The following KCNH8 variants were observed in gnomAD, a reference collection of about 807,000 sequenced individuals.
The protein encoded by KCNH8 is voltage-gated delayed rectifier potassium channel KCNH8.
Under a neutral mutation model 103.6 loss-of-function variants are expected in KCNH8, and 70 were observed. That is an observed-to-expected ratio of 0.68 (90% CI 0.56 to 0.82). The LOEUF (loss-of-function observed/expected upper bound fraction) is 0.82. Among genes scored for constraint, KCNH8 ranks in the 40% least tolerant of loss-of-function variants. The pLI is 0.00. For synonymous variants in KCNH8, 498 were observed against 489.4 expected (o/e 1.02, Z -0.23); for missense variants, 1,217 against 1,329.9 (o/e 0.92, Z 1.32).
chr3:19,448,970 G>C (rs1210862146), intron 8 of KCNH8: 1 of 1,285,966 alleles, frequency 7.8e-7, no homozygotes, highest in Admixed American at 2.3e-5. Flanking sequence ...TGGATTATCT[G>C]CTGGTTTAGA....
chr3:19,287,993 A>T (rs1179918660), intron 3 of KCNH8, among the ~76,000 whole-genome samples: 1 of 151,980 alleles, frequency 6.6e-6, no homozygotes, highest in Non-Finnish European at 1.5e-5. Flanking sequence ...CTCCTTACCC[A>T]GGAGAATTTT....
intron 5 of KCNH8, among the ~76,000 whole-genome samples, chr3:19,357,447 G>A (rs1284145856): frequency 6.6e-6 from 1 of 151,426 alleles, no homozygotes; most frequent in Non-Finnish European, 1.5e-5. Flanking sequence ...TGTTAACTGA[G>A]TATTTTGTTA....
intron 2 of KCNH8, among the ~76,000 whole-genome samples, chr3:19,268,938 A>G (rs534079506): frequency 6.6e-6 from 1 of 152,214 alleles, no homozygotes; most frequent in East Asian, 1.9e-4. Flanking sequence ...TACTTTGGGA[A>G]ATGAGAAAGA....
intron 5 of KCNH8, among the ~76,000 whole-genome samples, chr3:19,355,356 C>A (rs903736783): frequency 6.6e-6 from 1 of 152,172 alleles, no homozygotes; most frequent in African/African-American, 2.4e-5. Context: ...CTAGAAATAC[C>A]ATTTGACCCA....
chr3:19,421,896 T>C (rs2066956867), intron 7 of KCNH8, among the ~76,000 whole-genome samples: 1 of 152,114 alleles, frequency 6.6e-6, no homozygotes, highest in Non-Finnish European at 1.5e-5. Flanking sequence ...TTTGTTTTGT[T>C]TGGAGGACTA....
At chr3:19,279,584 A>G (rs918448646) in intron 2 of KCNH8, among the ~76,000 whole-genome samples, 2 of 144,010 alleles carry the variant, frequency 1.4e-5, no homozygotes, top group African/African-American at 2.6e-5. Context: ...AAAAAAAAAA[A>G]TAAGGAGGAA....
rs187013226 is a variant in KCNH8, at chr3:19,453,836, A to G, written c.1825+2432A>G. ...GTTTATAAGCTACCCAGTTTACAGT[A>G]TGGCAACCTGAATAGACTAAGACAG... On this transcript the variant is annotated intron_variant, in intron 10 of 15. Coordinates refer to ENST00000328405, the MANE Select transcript of KCNH8 (RefSeq NM_144633.3). Among the ~76,000 whole-genome samples the G allele has an allele frequency of 2.5e-3, 377 of 152,278 alleles. 1 individual carries two copies. The highest frequency in any genetic ancestry group is 8.6e-3 in the African/African-American group (358 of 41,574).
chr3:19,355,098 A>G (rs1264735829), intron 5 of KCNH8, among the ~76,000 whole-genome samples: 1 of 152,220 alleles, frequency 6.6e-6, no homozygotes, highest in Admixed American at 6.5e-5. Context: ...TTCTCAAAAG[A>G]AGACATTTAT....
intron 3 of KCNH8, among the ~76,000 whole-genome samples, chr3:19,301,098 G>A (rs1207864596): frequency 6.6e-6 from 1 of 151,354 alleles, no homozygotes; most frequent in Admixed American, 6.6e-5. Context: ...CCAGGGTTCA[G>A]TAACATTCCC....
At chr3:19,449,291 C>CATATATAT (rs71055066) in intron 8 of KCNH8, among the ~76,000 whole-genome samples, 31 of 140,180 alleles carry the variant, frequency 2.2e-4, no homozygotes, top group East Asian at 4.2e-4. Flanking sequence ...ACAAGAGTCC[C>CATATATAT]ATATATATAT....
intron 1 of KCNH8, among the ~76,000 whole-genome samples, chr3:19,216,340 C>T (rs1397581844): frequency 6.6e-6 from 1 of 152,328 alleles, no homozygotes; most frequent in African/African-American, 2.4e-5. Flanking sequence ...ACACACGTAA[C>T]TTTGGATGAA....
intron 11 of KCNH8, among the ~76,000 whole-genome samples, chr3:19,470,956 T>A (rs373585213): frequency 1.1e-4 from 17 of 152,344 alleles, no homozygotes; most frequent in Non-Finnish European, 2.2e-4. Flanking sequence ...GTGTGGCCTC[T>A]TGTTAGTCAA....
chr3:19,492,311 T>G (rs2068340068), intron 11 of KCNH8, among the ~76,000 whole-genome samples: 1 of 152,238 alleles, frequency 6.6e-6, no homozygotes, highest in African/African-American at 2.4e-5. Context: ...ATTTTAGGTC[T>G]TATACTTCTA....
At position 19,323,329 on chromosome 3, in the gene KCNH8, G is replaced by C. The variant is rs2065376983; in HGVS notation, c.443-19258G>C. Among the ~76,000 whole-genome samples, 5 of 151,916 alleles carry C rather than the reference G, an allele frequency of 3.3e-5. No homozygotes were observed. In the South Asian group the frequency reaches 6.2e-4, roughly 19 times the overall value. On this transcript the variant is annotated intron_variant, in intron 3 of 15. Transcript: ENST00000328405. ...CTGGGCGTGGTGGTGGGCACCTGTA[G>C]TCCCAGCTACTCAAGAGGCTGAGGC...
intron 1 of KCNH8, among the ~76,000 whole-genome samples, chr3:19,225,029 T>A (rs1338283105): frequency 6.6e-6 from 1 of 151,946 alleles, no homozygotes; most frequent in East Asian, 1.9e-4. Flanking sequence ...AGGATATGAA[T>A]GGGACGTTGA....
At chr3:19,490,642 T>C (rs113766842) in intron 11 of KCNH8, among the ~76,000 whole-genome samples, 12,287 of 151,974 alleles carry the variant, frequency 0.081, 1,038 homozygotes, top group East Asian at 0.27. Flanking sequence ...GTTTTTACTT[T>C]TTCTTTCTTT....
At chr3:19,438,903 G>A (rs1469752909) in intron 8 of KCNH8, among the ~76,000 whole-genome samples, 1 of 152,184 alleles carries the variant, frequency 6.6e-6, no homozygotes, top group East Asian at 1.9e-4. Context: ...AGATGCAACT[G>A]TGGTTCTTTC....
chr3:19,196,707 G>A lies in KCNH8; in HGVS notation c.76+47912G>A, dbSNP rs113885959. On this transcript the variant is annotated intron_variant, in intron 1 of 15. Transcript: ENST00000328405. ...GAAGAACCCAGTTTTTAGTCTATTT[G>A]TGTGGTTCTCTGGATTCTCCTTTGA... Among the ~76,000 whole-genome samples, 381 of 152,054 alleles carry A rather than the reference G, an allele frequency of 2.5e-3. 3 individuals carry two copies. The highest frequency in any genetic ancestry group is 8.3e-3 in the African/African-American group (346 of 41,518).
intron 8 of KCNH8, among the ~76,000 whole-genome samples, chr3:19,448,129 C>G (rs2067390119): frequency 3.3e-5 from 5 of 151,904 alleles, no homozygotes; most frequent in Non-Finnish European, 5.9e-5. Flanking sequence ...TGAGCAAATA[C>G]TGTTTTTGAT....
Sources: allele counts gnomAD v4.1 joint callset (sites outside exome capture counted in the v4.1 genomes callset), GRCh38; gene constraint gnomAD v4.1.1; transcripts MANE v1.5; gene names NCBI Gene and HGNC (gene_info 2026-07-23, HGNC 2026-07-21).